Variants in FGGY observed in about 807,000 individuals in gnomAD.
FGGY encodes FGGY carbohydrate kinase domain-containing protein.
FGGY carries 72 observed loss-of-function variants against 71.3 expected under a neutral mutation model. The observed-to-expected ratio is 1.01, with a 90% confidence interval of 0.84 to 1.23. FGGY has a LOEUF of 1.23. Ranked by LOEUF, FGGY falls within the 50% of genes most tolerant of loss-of-function variation. The probability of loss-of-function intolerance (pLI) is 0.00; values close to 1 mark genes in which losing one functional copy is unlikely to be tolerated. For synonymous variants in FGGY, 251 were observed against 250.3 expected, an observed-to-expected ratio of 1.00 and a Z score of -0.02; for missense variants, 668 against 682.3, an observed-to-expected ratio of 0.98 and a Z score of 0.23.
intron 8 of FGGY, among the ~76,000 whole-genome samples, chr1:59,577,740 A>G (rs939634218): frequency 6.6e-6 from 1 of 152,172 alleles, no homozygotes; most frequent in Non-Finnish European, 1.5e-5. Flanking sequence ...ATTTCATTTC[A>G]TAAGTTAGAG....
chr1:59,744,168 C>T (rs1251399131), intron 14 of FGGY, among the ~76,000 whole-genome samples: 1 of 152,184 alleles, frequency 6.6e-6, no homozygotes, highest in Non-Finnish European at 1.5e-5. Flanking sequence ...ATTTCTATTA[C>T]TTCTATTTTA....
At chr1:59,550,219 GT>G (rs1252979289) in intron 7 of FGGY, among the ~76,000 whole-genome samples, 2 of 152,160 alleles carry the variant, frequency 1.3e-5, no homozygotes, top group Non-Finnish European at 2.9e-5. Context: ...GGCTGCACTT[GT>G]GTCAAATTGT....
chr1:59,732,210 G>A (rs1451491354), intron 14 of FGGY, among the ~76,000 whole-genome samples: 5 of 152,104 alleles, frequency 3.3e-5, no homozygotes, highest in Admixed American at 3.3e-4. Context: ...TTTGACCAGA[G>A]AATTTTACTT....
intron 5 of FGGY, among the ~76,000 whole-genome samples, chr1:59,381,513 A>T (rs1008410919): frequency 6.6e-6 from 1 of 152,106 alleles, no homozygotes; most frequent in African/African-American, 2.4e-5. Flanking sequence ...CAGGGTCAGG[A>T]TCATCAAGAT....
chr1:59,384,212 A>C (rs1468904021), intron 5 of FGGY, among the ~76,000 whole-genome samples: 2 of 152,040 alleles, frequency 1.3e-5, no homozygotes, highest in Non-Finnish European at 2.9e-5. Flanking sequence ...AGTATAAATT[A>C]ATCATCCCGT....
At chr1:59,624,814 A>T (rs962114553) in intron 9 of FGGY, among the ~76,000 whole-genome samples, 1 of 152,160 alleles carries the variant, frequency 6.6e-6, no homozygotes, top group Non-Finnish European at 1.5e-5. Flanking sequence ...CTCCCACAAC[A>T]TGTGAGATTT....
intron 5 of FGGY, among the ~76,000 whole-genome samples, chr1:59,446,075 G>A (rs981955020): frequency 2.0e-5 from 3 of 152,126 alleles, no homozygotes; most frequent in African/African-American, 4.8e-5. Context: ...AATGCCTGGC[G>A]TATAATAGGC....
chr1:59,632,069 G>A (rs2096913121), intron 10 of FGGY, among the ~76,000 whole-genome samples: 1 of 152,098 alleles, frequency 6.6e-6, no homozygotes, highest in African/African-American at 2.4e-5. Context: ...TAAAATCCAG[G>A]GTCTGTGGCC....
At chr1:59,478,194 C>T (rs573791939) in intron 6 of FGGY, among the ~76,000 whole-genome samples, 11 of 152,266 alleles carry the variant, frequency 7.2e-5, no homozygotes, top group East Asian at 3.9e-4. Flanking sequence ...TTATCTTATC[C>T]GGATATCCAG....
At chr1:59,480,595 G>A (rs2093432835) in intron 6 of FGGY, among the ~76,000 whole-genome samples, 1 of 152,170 alleles carries the variant, frequency 6.6e-6, no homozygotes, top group African/African-American at 2.4e-5. Context: ...TGAGAGTTGT[G>A]TTATTTAAAA....
chr1:59,635,607 G>A (rs2096951141), intron 10 of FGGY, among the ~76,000 whole-genome samples: 1 of 151,748 alleles, frequency 6.6e-6, no homozygotes. Context: ...GAAGTGGAAA[G>A]TCGCAAGAAT....
chr1:59,600,959 A>G (rs1041206698), intron 8 of FGGY, among the ~76,000 whole-genome samples: 1 of 149,850 alleles, frequency 6.7e-6, no homozygotes, highest in African/African-American at 2.5e-5. Flanking sequence ...GAGAGCCCCC[A>G]TTCATAAACA....
chr1:59,673,896 A>G, intron 13 of FGGY, 143 bp from the exon 14 acceptor site: 1 of 640,786 alleles, frequency 1.6e-6, no homozygotes, highest in East Asian at 2.8e-5. Flanking sequence ...CCCAAGGAAT[A>G]AAGAAGGGAG....
chr1:59,341,486 G>GTAATGA (rs2050681018), intron 3 of FGGY, among the ~76,000 whole-genome samples: 1 of 152,188 alleles, frequency 6.6e-6, no homozygotes, highest in African/African-American at 2.4e-5. Flanking sequence ...GAGCACAGTG[G>GTAATGA]TAATGATGAC....
At chr1:59,358,265 G>A (rs1330966116) in intron 4 of FGGY, among the ~76,000 whole-genome samples, 4 of 152,114 alleles carry the variant, frequency 2.6e-5, no homozygotes, top group Admixed American at 6.5e-5. Context: ...CACCTGGGCT[G>A]TTTTACTTTC....
intron 7 of FGGY, among the ~76,000 whole-genome samples, chr1:59,541,096 C>CCTTCCT (rs1266373579): frequency 5.3e-5 from 8 of 152,022 alleles, no homozygotes; most frequent in Admixed American, 5.2e-4. Context: ...TAACAGTGAG[C>CCTTCCT]CTTCCTCAAA....
At chr1:59,720,037 T>C (rs185524604) in intron 14 of FGGY, among the ~76,000 whole-genome samples, 110 of 152,336 alleles carry the variant, frequency 7.2e-4, no homozygotes, top group African/African-American at 2.4e-3. Context: ...TTCCTCCTCA[T>C]TGGTAAAAAT....
At chr1:59,507,809 A>G (rs1372990156) in intron 6 of FGGY, among the ~76,000 whole-genome samples, 2 of 149,412 alleles carry the variant, frequency 1.3e-5, no homozygotes, top group Admixed American at 6.9e-5. Flanking sequence ...GCTGGGGATT[A>G]CAGGCATGAG....
chr1:59,665,636 G>A (rs750134690), intron 12 of FGGY, among the ~76,000 whole-genome samples: 13 of 151,438 alleles, frequency 8.6e-5, no homozygotes, highest in East Asian at 1.9e-4. Context: ...CCCCTAAGAC[G>A]TGAGGTCAGG....
Sources: gnomAD v4.1 joint callset for allele counts (sites outside exome capture counted in the v4.1 genomes callset) on GRCh38, gnomAD v4.1.1 for gene constraint, MANE v1.5 for transcripts, NCBI Gene and HGNC (gene_info 2026-07-23, HGNC 2026-07-21) for gene names.